ADCY5: variants seen among roughly 807,000 people sequenced by gnomAD.
ADCY5 encodes adenylate cyclase type 5.
In ADCY5, 30 loss-of-function variants were observed where a neutral mutation model predicts 119.7. The observed-to-expected ratio is 0.25, with a 90% CI of 0.19 to 0.34. The LOEUF (loss-of-function observed/expected upper bound fraction) is 0.34, where lower values mean the gene tolerates loss of function less well. ADCY5 is among the 10% of genes least tolerant of loss of function. ADCY5 has a pLI of 1.00. For missense variants in ADCY5, 1,324 were observed against 1,775.2 expected (o/e 0.75, Z 4.57); for synonymous variants, 753 against 762.2 (o/e 0.99, Z 0.20).
At chr3:123,435,753 G>C (rs1180660106) in intron 1 of ADCY5, among the ~76,000 whole-genome samples, 1 of 151,566 alleles carries the variant, frequency 6.6e-6, no homozygotes, top group East Asian at 1.9e-4. Flanking sequence ...CCTATAATCA[G>C]CTGAGACCTA....
chr3:123,293,838 C>T (rs75292528), intron 17 of ADCY5, among the ~76,000 whole-genome samples: 38 of 152,246 alleles, frequency 2.5e-4, no homozygotes, highest in African/African-American at 6.5e-4. Flanking sequence ...CTACAAGCAG[C>T]GAGCACACCA....
intron 11 of ADCY5, 151 bp from the exon 12 acceptor site, chr3:123,314,473 T>C: frequency 1.6e-6 from 1 of 638,000 alleles, no homozygotes; most frequent in East Asian, 2.8e-5. Context: ...AGAGGGAACC[T>C]GAAGTTGCTC....
At chr3:123,388,489 C>T (rs1324629359) in intron 1 of ADCY5, among the ~76,000 whole-genome samples, 3 of 151,946 alleles carry the variant, frequency 2.0e-5, no homozygotes, top group African/African-American at 7.3e-5. Flanking sequence ...TTTAAGGTAC[C>T]CCAGGGAGCA....
chr3:123,448,289 T>C lies in ADCY5; in HGVS notation c.257A>G (p.Asp86Gly). Residue 86 changes from aspartate to glycine, a missense_variant, in exon 1 of 21, where the codon GAC becomes GGC. Coordinates refer to ENST00000462833, the MANE Select transcript of ADCY5 (RefSeq NM_183357.3). ...DDDDDPPLSG[D>G]DPLAGGFGFS... ...GCCGAAGCCCCCGGCCAGGGGGTCG[T>C]CACCGCTCAGCGGAGGATCGTCGTC... 6.5e-7 allele frequency: 1 copy of C among 1,532,104 alleles called. No individual in the cohort carries two copies. Among genetic ancestry groups the C allele is most frequent in the Non-Finnish European group, 8.7e-7 (1 of 1,149,764 alleles). The allele number at this position is 1,532,104 out of a possible 1,614,324, so 94.9% of individuals were successfully genotyped here. A position where few individuals can be genotyped will look rare whatever the true frequency, so the allele number is the denominator to read the frequency against.
intron 1 of ADCY5, among the ~76,000 whole-genome samples, chr3:123,422,108 C>A (rs1321421938): frequency 6.6e-6 from 1 of 152,198 alleles, no homozygotes; most frequent in Non-Finnish European, 1.5e-5. Flanking sequence ...ACTGTGCAGG[C>A]ACTGGGACTG....
At chr3:123,438,943 G>A (rs1024450279) in intron 1 of ADCY5, among the ~76,000 whole-genome samples, 1 of 151,668 alleles carries the variant, frequency 6.6e-6, no homozygotes. Context: ...GTAGAGACAG[G>A]GTCTCACTAT....
chr3:123,347,596 T>C (rs951516998), intron 3 of ADCY5, among the ~76,000 whole-genome samples, 186 bp downstream of exon 3: 2 of 152,082 alleles, frequency 1.3e-5, no homozygotes, highest in East Asian at 1.9e-4. Flanking sequence ...AAAAGCTCCA[T>C]GGGACACCAT....
Position 123,282,304 on chromosome 3 carries a change from G to C in ADCY5, c.*2304C>G, listed in dbSNP as rs1938424067. ...AATCAGACCAGGACACATTACCAGT[G>C]AAAGTGTTTAATAGTTAAATTATTT... On this transcript the variant is annotated 3_prime_UTR_variant, in exon 21 of 21. Coordinates refer to ENST00000462833, the MANE Select transcript of ADCY5 (RefSeq NM_183357.3). The C allele has an allele frequency of 6.6e-6, 1 of 152,350 alleles. No individual in the cohort carries two copies. Among genetic ancestry groups the C allele is most frequent in the Non-Finnish European group, 1.5e-5 (1 of 68,040 alleles). 9.4% of individuals were successfully genotyped at this position (152,350 alleles called of 1,614,324 possible).
chr3:123,317,914 G>A lies in ADCY5; in HGVS notation c.2354+106C>T, dbSNP rs987165160. 4 of 1,037,028 alleles carry A rather than the reference G, an allele frequency of 3.9e-6. No homozygotes were observed. In the Admixed American group the frequency reaches 6.0e-5, roughly 15 times the overall value. The allele number at this position is 1,037,028 out of a possible 1,614,324, so 64.2% of individuals were successfully genotyped here. On this transcript the variant is annotated intron_variant, in intron 11 of 20. Coordinates refer to ENST00000462833, the MANE Select transcript of ADCY5 (RefSeq NM_183357.3). Reference sequence around the variant, plus strand: ...GAAACTTCTCTCCGTGCCTGAGCAAGTGCAGGCCAGACTCCCTGCTCTGTT... The same window carrying A: ...GAAACTTCTCTCCGTGCCTGAGCAAATGCAGGCCAGACTCCCTGCTCTGTT...
At chr3:123,402,893 T>C (rs1173300239) in intron 1 of ADCY5, among the ~76,000 whole-genome samples, 2 of 151,370 alleles carry the variant, frequency 1.3e-5, no homozygotes, top group African/African-American at 4.9e-5. Context: ...GTGTCTACAA[T>C]TTCTTCTTTT....
chr3:123,328,895 C>G (rs1222929189), intron 5 of ADCY5, 93 bp from the exon 6 acceptor site: 3 of 1,328,008 alleles, frequency 2.3e-6, no homozygotes, highest in Admixed American at 4.0e-5. Context: ...GGTGAAGGTG[C>G]GGGGGTCAAA....
chr3:123,387,867 G>A (rs934547610), intron 1 of ADCY5, among the ~76,000 whole-genome samples: 4 of 152,168 alleles, frequency 2.6e-5, no homozygotes, highest in African/African-American at 9.7e-5. Flanking sequence ...AGCTGGTCAC[G>A]GTGTGTGGTC....
intron 12 of ADCY5, among the ~76,000 whole-genome samples, chr3:123,304,676 C>T (rs1940102356): frequency 6.6e-6 from 1 of 151,998 alleles, no homozygotes; most frequent in South Asian, 2.1e-4. Context: ...CAGCGAGGAG[C>T]AGGAAGGAGG....
intron 1 of ADCY5, among the ~76,000 whole-genome samples, chr3:123,431,511 C>G (rs1002209282): frequency 1.3e-5 from 2 of 152,076 alleles, no homozygotes; most frequent in African/African-American, 4.8e-5. Flanking sequence ...GATCAATAGG[C>G]ATTTGTTTGT....
At position 123,318,018 on chromosome 3, in the gene ADCY5, AC is replaced by A; in HGVS notation, c.2354+1del. 1 of 1,612,694 alleles carries A rather than the reference AC, an allele frequency of 6.2e-7. No homozygotes were observed. Among genetic ancestry groups the A allele is most frequent in the Non-Finnish European group, 8.5e-7 (1 of 1,179,072 alleles). On this transcript the variant is annotated splice_donor_variant, in intron 11 of 20. Coordinates refer to ENST00000462833, the MANE Select transcript of ADCY5 (RefSeq NM_183357.3). LOFTEE classifies it high-confidence loss of function. ...GAGCCCAAGAGGGACGGGGATACTC[AC>A]TGGGGCACGATGGTGATCTGGACAA...
At chr3:123,439,764 C>T (rs1447863443) in intron 1 of ADCY5, among the ~76,000 whole-genome samples, 1 of 152,132 alleles carries the variant, frequency 6.6e-6, no homozygotes, top group Non-Finnish European at 1.5e-5. Flanking sequence ...AGCCACAACC[C>T]GTCATCTTTG....
At chr3:123,343,729 C>G (rs1182788298) in intron 3 of ADCY5, among the ~76,000 whole-genome samples, 1 of 152,156 alleles carries the variant, frequency 6.6e-6, no homozygotes, top group Non-Finnish European at 1.5e-5. Context: ...CACAGCTCCC[C>G]CAGCCCTGGC....
chr3:123,405,289 T>C (rs1944871101), intron 1 of ADCY5, among the ~76,000 whole-genome samples: 1 of 152,244 alleles, frequency 6.6e-6, no homozygotes, highest in Admixed American at 6.5e-5. Context: ...GCGGACTCCC[T>C]TGGCTGCATG....
At chr3:123,424,223 G>A (rs1243353755) in intron 1 of ADCY5, among the ~76,000 whole-genome samples, 4 of 152,234 alleles carry the variant, frequency 2.6e-5, no homozygotes, top group South Asian at 2.1e-4. Context: ...CTGGGCACAC[G>A]CTGCCCCTCC....
Sources: gnomAD v4.1 joint callset for allele counts (sites outside exome capture counted in the v4.1 genomes callset) on GRCh38, gnomAD v4.1.1 for gene constraint, MANE v1.5 for transcripts, NCBI Gene and HGNC (gene_info 2026-07-23, HGNC 2026-07-21) for gene names.